The following CEP135 variants were observed in gnomAD, a reference collection of about 807,000 sequenced individuals.
The protein encoded by CEP135 is centrosomal protein 135.
In CEP135, 142 loss-of-function variants were observed where a neutral mutation model predicts 157.3. The observed-to-expected ratio is 0.90, with a 90% CI of 0.79 to 1.04. The LOEUF (loss-of-function observed/expected upper bound fraction) is 1.04, where lower values mean the gene tolerates loss of function less well. CEP135 is among the 50% of genes least tolerant of loss of function. CEP135 has a pLI of 0.00. For synonymous variants in CEP135, 396 were observed against 439.8 expected, an observed-to-expected ratio of 0.90 and a Z score of 1.25; for missense variants, 1,317 against 1,309.2, an observed-to-expected ratio of 1.01 and a Z score of -0.09.
chr4:55,965,682 G>T lies in CEP135; in HGVS notation c.867G>T (p.Lys289Asn), dbSNP rs775823086. The T allele has an allele frequency of 6.2e-7, 1 of 1,612,808 alleles. No individual in the cohort carries two copies. Among genetic ancestry groups the T allele is most frequent in the South Asian group, 1.1e-5 (1 of 90,782 alleles). The change falls in exon 8 of 26, where the codon AAG becomes AAT. Residue 289 changes from lysine (K) to asparagine (N), a missense_variant. Lys to Asn is a moderately conservative substitution (Grantham distance 94). Transcript: ENST00000257287. ...AGCAAGCTAATAAAGACCTGGAGAA[G>T]CGTATACGAGAGCTTATGGAAACCA... Reference protein sequence around the residue: ...FLQQANKDLEKRIRELMETKE... With the variant: ...FLQQANKDLENRIRELMETKE...
chr4:55,980,759 T>A (rs1270311498), intron 12 of CEP135, among the ~76,000 whole-genome samples: 1 of 152,148 alleles, frequency 6.6e-6, no homozygotes, highest in African/African-American at 2.4e-5. Context: ...GAGGGCAAGG[T>A]AAGTCTGAGC....
intron 9 of CEP135, among the ~76,000 whole-genome samples, chr4:55,970,785 G>A (rs986602678): frequency 3.3e-5 from 5 of 152,188 alleles, no homozygotes; most frequent in African/African-American, 4.8e-5. Flanking sequence ...TGGTGGACAT[G>A]TTGGATACCA....
chr4:55,974,898 A>G lies in CEP135; in HGVS notation c.1402A>G (p.Ile468Val). 1 of 1,613,596 alleles carries G rather than the reference A, an allele frequency of 6.2e-7. No homozygotes were observed. The highest frequency in any genetic ancestry group is 8.5e-7 in the Non-Finnish European group (1 of 1,179,754). Residue 468 changes from isoleucine (I) to valine (V), a missense_variant, in exon 11 of 26, where the codon ATA becomes GTA. Coordinates refer to ENST00000257287, the MANE Select transcript of CEP135 (RefSeq NM_025009.5). The part of the protein sequence containing the change: ...KKELERLQHI[I>V]QRRSCSTSYS... ...AGAGCTAGAGAGACTCCAACATATA[A>G]TACAGCGAAGATCTTGCTCTACAAG...
chr4:55,972,363 A>C (rs1306299231), intron 10 of CEP135, among the ~76,000 whole-genome samples: 1 of 151,980 alleles, frequency 6.6e-6, no homozygotes, highest in Non-Finnish European at 1.5e-5. Flanking sequence ...GATAAGAGGT[A>C]TTAAATTAGA....
chr4:56,007,988 T>C (rs1329288807), intron 17 of CEP135, among the ~76,000 whole-genome samples: 1 of 152,228 alleles, frequency 6.6e-6, no homozygotes, highest in Non-Finnish European at 1.5e-5. Context: ...TTATTGGCCA[T>C]GTAGAAGTTT....
At chr4:56,029,176 C>T (rs937032798) in intron 25 of CEP135, among the ~76,000 whole-genome samples, 2 of 152,220 alleles carry the variant, frequency 1.3e-5, no homozygotes, top group African/African-American at 2.4e-5. Context: ...CCTCTCAAGG[C>T]GCGCCACCCT....
chr4:56,027,964 G>C (rs1577919856), intron 25 of CEP135, among the ~76,000 whole-genome samples: 1 of 152,036 alleles, frequency 6.6e-6, no homozygotes, highest in East Asian at 1.9e-4. Context: ...AGTAACTTCA[G>C]ATCTACTTTT....
At chr4:56,022,557 A>G (rs1298495828) in intron 24 of CEP135, among the ~76,000 whole-genome samples, 1 of 152,184 alleles carries the variant, frequency 6.6e-6, no homozygotes, top group Non-Finnish European at 1.5e-5. Context: ...AGTAGTACTG[A>G]AGAAATCTTG....
intron 22 of CEP135, among the ~76,000 whole-genome samples, chr4:56,018,849 TA>T (rs1730873765): frequency 6.6e-6 from 1 of 152,210 alleles, no homozygotes; most frequent in Non-Finnish European, 1.5e-5. Flanking sequence ...TCAAGGTGTT[TA>T]AATCTTAATT....
chr4:55,974,773 G>T lies in CEP135; in HGVS notation c.1277G>T (p.Arg426Met), dbSNP rs202074915. The T allele has an allele frequency of 1.9e-6, 3 of 1,613,090 alleles. No individual in the cohort carries two copies. Among genetic ancestry groups the T allele is most frequent in the Non-Finnish European group, 2.5e-6 (3 of 1,179,620 alleles). The change falls in exon 11 of 26, where the codon AGG becomes ATG. Residue 426 changes from arginine (R) to methionine (M), a missense_variant. By Grantham distance (91) the Arg-to-Met change is moderately conservative. Transcript: ENST00000257287. ...TERQLTLEVE[R>M]MRLEHGIKRR... ...CGACAACTTACTCTGGAGGTTGAGA[G>T]GATGAGACTAGAACATGGAATAAAA...
chr4:56,013,841 CTT>C, intron 21 of CEP135, among the ~76,000 whole-genome samples: 1 of 152,250 alleles, frequency 6.6e-6, no homozygotes, highest in Non-Finnish European at 1.5e-5. Context: ...GAAAAAGTGT[CTT>C]TGCAGATGGA....
intron 17 of CEP135, among the ~76,000 whole-genome samples, chr4:56,002,922 A>G (rs986932073): frequency 3.3e-5 from 5 of 151,980 alleles, no homozygotes; most frequent in African/African-American, 1.2e-4. Context: ...GGTTTGTTGA[A>G]GTTTTCTATT....
chr4:55,972,861 A>G (rs1047990499), intron 10 of CEP135, among the ~76,000 whole-genome samples: 1 of 152,020 alleles, frequency 6.6e-6, no homozygotes, highest in Non-Finnish European at 1.5e-5. Flanking sequence ...GAGAAACCCC[A>G]TCTCTACTAA....
intron 8 of CEP135, among the ~76,000 whole-genome samples, chr4:55,967,976 ATC>A (rs1728895505): frequency 6.6e-6 from 1 of 152,248 alleles, no homozygotes; most frequent in African/African-American, 2.4e-5. Context: ...GAATAAAATT[ATC>A]TCTGTTTACA....
At chr4:55,951,098 T>G (rs1177260786) in intron 1 of CEP135, among the ~76,000 whole-genome samples, 1 of 152,258 alleles carries the variant, frequency 6.6e-6, no homozygotes, top group Admixed American at 6.5e-5. Context: ...TATCAGTAGT[T>G]CCTTTTATCC....
At chr4:55,970,363 G>A (rs1728990875) in intron 9 of CEP135, among the ~76,000 whole-genome samples, 1 of 152,054 alleles carries the variant, frequency 6.6e-6, no homozygotes, top group African/African-American at 2.4e-5. Flanking sequence ...GTAGAAACTG[G>A]GTAGTCACCC....
Position 56,008,387 on chromosome 4 carries a change from G to A in CEP135, c.2336+5G>A. On this transcript the variant is annotated splice_donor_5th_base_variant and intron_variant, in intron 18 of 25. Transcript: ENST00000257287. Reference sequence around the variant, plus strand: ...AGAGTGTGAATCATCTGTGAAGTAAGTCATTAATGAAATTACATCCAGCTT... The same window carrying A: ...AGAGTGTGAATCATCTGTGAAGTAAATCATTAATGAAATTACATCCAGCTT... The A allele has an allele frequency of 6.2e-7, 1 of 1,603,652 alleles. No individual in the cohort carries two copies. The highest frequency in any genetic ancestry group is 8.5e-7 in the Non-Finnish European group (1 of 1,174,058).
chr4:55,985,312 C>T lies in CEP135; in HGVS notation c.1811C>T (p.Ser604Leu). The part of the protein sequence containing the change: ...HIEEVSLFGK[S>L]ELEKTIEHLT... ...GAAGAAGTGAGTCTTTTTGGAAAATCAGAATTAGAGAAAACTATTGAACAT... is the reference window on the plus strand; with the variant it reads ...GAAGAAGTGAGTCTTTTTGGAAAATTAGAATTAGAGAAAACTATTGAACAT... Residue 604 changes from serine to leucine, a missense_variant, in exon 14 of 26, where the codon TCA becomes TTA. Coordinates refer to ENST00000257287, the MANE Select transcript of CEP135 (RefSeq NM_025009.5). 1.3e-6 allele frequency: 2 copies of T among 1,593,024 alleles called. No homozygotes were observed. Among genetic ancestry groups the T allele is most frequent in the Non-Finnish European group, 1.7e-6 (2 of 1,162,610 alleles).
chr4:55,957,425 CT>C, intron 5 of CEP135, 61 bp downstream of exon 5: 1 of 1,529,472 alleles, frequency 6.5e-7, no homozygotes, highest in Non-Finnish European at 8.9e-7. Context: ...CTGTAAGTTT[CT>C]TGATAGGAGG....
Sources: allele counts gnomAD v4.1 joint callset (sites outside exome capture counted in the v4.1 genomes callset), GRCh38; gene constraint gnomAD v4.1.1; transcripts MANE v1.5; gene names NCBI Gene and HGNC (gene_info 2026-07-23, HGNC 2026-07-21).